The following SDHC variants were observed in gnomAD, a reference collection of about 807,000 sequenced individuals.
The protein encoded by SDHC is succinate dehydrogenase cytochrome b560 subunit, mitochondrial.
In SDHC, 11 loss-of-function variants were observed where a neutral mutation model predicts 22.6. The observed-to-expected ratio is 0.49, with a 90% confidence interval of 0.31 to 0.81. SDHC has a LOEUF of 0.81. Among genes scored for constraint, SDHC ranks in the 30% least tolerant of loss-of-function variants. SDHC has a pLI of 0.05. For missense variants in SDHC, 160 were observed against 212.0 expected, an observed-to-expected ratio of 0.75 and a Z score of 1.52; for synonymous variants, 80 against 77.8, an observed-to-expected ratio of 1.03 and a Z score of -0.15.
chr1:161,330,249 A>T (rs1161112298), intron 3 of SDHC, among the ~76,000 whole-genome samples: 2 of 152,164 alleles, frequency 1.3e-5, no homozygotes, highest in African/African-American at 4.8e-5. Flanking sequence ...AAATCTCCCC[A>T]TCTGAACCAG....
At chr1:161,314,819 A>G (rs1046196561) in intron 1 of SDHC, 1 of 227,354 alleles carries the variant, frequency 4.4e-6, no homozygotes, top group Non-Finnish European at 8.8e-6. Context: ...GGAGAGAGAG[A>G]TCTTCGTGTA....
intron 1 of SDHC, among the ~76,000 whole-genome samples, chr1:161,319,222 A>AAATAAATAAAT (rs1558162031): frequency 6.6e-6 from 1 of 150,762 alleles, no homozygotes; most frequent in African/African-American, 2.4e-5. Context: ...ACTCTGTCTT[A>AAATAAATAAAT]AAATAAATAA....
intron 3 of SDHC, among the ~76,000 whole-genome samples, chr1:161,329,456 T>C (rs1671192751): frequency 6.6e-6 from 1 of 152,022 alleles, no homozygotes; most frequent in Non-Finnish European, 1.5e-5. Flanking sequence ...CTCAGCCTCC[T>C]GAGTAGCTGG....
intron 2 of SDHC, among the ~76,000 whole-genome samples, chr1:161,325,533 A>G (rs528675293): frequency 1.2e-4 from 19 of 152,198 alleles, no homozygotes; most frequent in African/African-American, 4.3e-4. Context: ...TACAAAAACT[A>G]GCTGGGTGTG....
intron 4 of SDHC, among the ~76,000 whole-genome samples, chr1:161,342,923 C>T (rs1338243320): frequency 6.6e-6 from 1 of 152,194 alleles, no homozygotes; most frequent in Non-Finnish European, 1.5e-5. Flanking sequence ...GTCTGAGCCC[C>T]TCCATCGCGT....
At chr1:161,331,647 A>G (rs1042860903) in intron 3 of SDHC, among the ~76,000 whole-genome samples, 3 of 149,786 alleles carry the variant, frequency 2.0e-5, no homozygotes, top group African/African-American at 4.9e-5. Flanking sequence ...CAGGGCTGCA[A>G]TGCAGTGGCG....
In SDHC at chr1:161,357,139, C is replaced by G. The variant is rs61308286; in HGVS notation, c.405+299C>G. On this transcript the variant is annotated intron_variant, in intron 5 of 5. Coordinates refer to ENST00000367975, the MANE Select transcript of SDHC (RefSeq NM_003001.5). ...ATGGGGTTTCACCATGTTGGCCAGG[C>G]TGGTCTCAAACTCCTGGCCTTAAGT... Among the ~76,000 whole-genome samples the G allele has an allele frequency of 0.12, 17,764 of 152,024 alleles. 1,404 individuals are homozygous for G. The highest frequency in any genetic ancestry group is 0.22 in the African/African-American group (8,954 of 41,454).
rs553912693 is a variant in SDHC, at chr1:161,323,911, C to T, written c.77+241C>T. Reference sequence around the variant, plus strand: ...CAGGGTTTCACCGTGTTAGCCAGGACGGTCTCGATCTCCTGACCTTGTGAT... The same window carrying T: ...CAGGGTTTCACCGTGTTAGCCAGGATGGTCTCGATCTCCTGACCTTGTGAT... On this transcript the variant is annotated intron_variant, in intron 2 of 5. Transcript: ENST00000367975. Among the ~76,000 whole-genome samples, 20 of 151,638 alleles carry T rather than the reference C, an allele frequency of 1.3e-4. No individual in the cohort carries two copies. The East Asian group carries it at 3.1e-3, about 24-fold the overall frequency.
intron 4 of SDHC, among the ~76,000 whole-genome samples, chr1:161,341,848 G>A (rs576882041): frequency 1.3e-5 from 2 of 151,634 alleles, no homozygotes; most frequent in African/African-American, 2.4e-5. Context: ...TTACTGGATT[G>A]TCTGTTCCCT....
chr1:161,356,872 T>C, intron 5 of SDHC, 32 bp downstream of exon 5: 3 of 1,604,462 alleles, frequency 1.9e-6, no homozygotes, highest in East Asian at 2.2e-5. Flanking sequence ...ACATTTTCTC[T>C]GTGAAGGGAG....
At chr1:161,348,340 G>A (rs545851618) in intron 4 of SDHC, among the ~76,000 whole-genome samples, 1 of 151,582 alleles carries the variant, frequency 6.6e-6, no homozygotes, top group Admixed American at 6.6e-5. Flanking sequence ...TGTATTTTTA[G>A]TAGAGACGGG....
intron 5 of SDHC, 62 bp downstream of exon 5, chr1:161,356,902 C>A (rs1170910002): frequency 6.6e-7 from 1 of 1,508,350 alleles, no homozygotes; most frequent in Non-Finnish European, 9.2e-7. Context: ...TGGGAGGATT[C>A]TTTCCTTCAT....
intron 4 of SDHC, among the ~76,000 whole-genome samples, chr1:161,354,832 C>A (rs916081944): frequency 6.6e-6 from 1 of 151,948 alleles, no homozygotes; most frequent in East Asian, 1.9e-4. Flanking sequence ...GCCTCAGCCT[C>A]CTGAGTAGCT....
intron 3 of SDHC, among the ~76,000 whole-genome samples, chr1:161,333,962 T>A (rs1671377352): frequency 6.6e-6 from 1 of 152,216 alleles, no homozygotes; most frequent in Non-Finnish European, 1.5e-5. Context: ...ACTCCTCTTC[T>A]AGTTACCACA....
intron 3 of SDHC, chr1:161,339,545 A>ATTT: frequency 5.9e-6 from 6 of 1,019,192 alleles, no homozygotes; most frequent in Admixed American, 3.1e-5. Flanking sequence ...AGTTATAATC[A>ATTT]TTTTTTTTTT....
intron 3 of SDHC, chr1:161,339,417 C>A: frequency 3.9e-6 from 1 of 256,468 alleles, no homozygotes; most frequent in South Asian, 4.0e-5. Context: ...AACTCCTGAA[C>A]TCAACGGCCC....
chr1:161,345,678 G>A (rs566766355), intron 4 of SDHC, among the ~76,000 whole-genome samples: 2 of 152,076 alleles, frequency 1.3e-5, no homozygotes, highest in Non-Finnish European at 2.9e-5. Flanking sequence ...GGATGGTCTC[G>A]ATCTCCTGAC....
At chr1:161,333,677 C>T (rs1307702714) in intron 3 of SDHC, among the ~76,000 whole-genome samples, 1 of 152,202 alleles carries the variant, frequency 6.6e-6, no homozygotes, top group African/African-American at 2.4e-5. Flanking sequence ...GCTGGGATTA[C>T]AGGCATGAGC....
intron 4 of SDHC, among the ~76,000 whole-genome samples, chr1:161,347,400 C>A (rs2102350525): frequency 6.6e-6 from 1 of 151,998 alleles, no homozygotes; most frequent in South Asian, 2.1e-4. Context: ...ATTACAGGCA[C>A]CTGCCACCAT....
Sources: gnomAD v4.1 joint callset for allele counts (sites outside exome capture counted in the v4.1 genomes callset) on GRCh38, gnomAD v4.1.1 for gene constraint, MANE v1.5 for transcripts, NCBI Gene and HGNC (gene_info 2026-07-23, HGNC 2026-07-21) for gene names.